The following GALNT13 variants were observed in gnomAD, a reference collection of about 807,000 sequenced individuals.
The protein encoded by GALNT13 is polypeptide N-acetylgalactosaminyltransferase 13.
GALNT13 carries 28 observed loss-of-function variants against 64.2 expected under a neutral mutation model. The observed-to-expected ratio is 0.44, with a 90% CI of 0.32 to 0.60. GALNT13 has a LOEUF of 0.60. Ranked by LOEUF, GALNT13 falls within the 20% of genes least tolerant of loss-of-function variation. GALNT13 has a pLI of 0.05. For missense variants in GALNT13, 577 were observed against 669.8 expected, an observed-to-expected ratio of 0.86 and a Z score of 1.53; for synonymous variants, 214 against 224.6, an observed-to-expected ratio of 0.95 and a Z score of 0.42.
At chr2:153,900,724 T>A (rs1486305403) in intron 1 of GALNT13, among the ~76,000 whole-genome samples, 1 of 152,166 alleles carries the variant, frequency 6.6e-6, no homozygotes, top group Non-Finnish European at 1.5e-5. Flanking sequence ...TTCAAAGTGT[T>A]CTCCTTGACT....
the GALNT13 span, among the ~76,000 whole-genome samples, chr2:153,833,137 C>T: frequency 2.6e-5 from 4 of 152,154 alleles, no homozygotes; most frequent in Non-Finnish European, 5.9e-5. Flanking sequence ...TGACTATGCT[C>T]CCTGCCACCT....
At chr2:154,342,078 C>T (rs765238960) in intron 9 of GALNT13, among the ~76,000 whole-genome samples, 4 of 151,906 alleles carry the variant, frequency 2.6e-5, no homozygotes, top group African/African-American at 9.7e-5. Context: ...TGGATGTGTT[C>T]AGTTTGAGAT....
chr2:153,529,595 CAA>C, the GALNT13 span, among the ~76,000 whole-genome samples: 1 of 151,780 alleles, frequency 6.6e-6, no homozygotes, highest in African/African-American at 2.4e-5. Flanking sequence ...CAAAACTAGA[CAA>C]AGACACATTA....
At chr2:154,392,371 A>G (rs1574223241) in intron 9 of GALNT13, among the ~76,000 whole-genome samples, 1 of 152,212 alleles carries the variant, frequency 6.6e-6, no homozygotes, top group East Asian at 1.9e-4. Flanking sequence ...GAATTGATCA[A>G]CAAGAAACAG....
chr2:153,525,710 G>T, the GALNT13 span, among the ~76,000 whole-genome samples: 3 of 152,112 alleles, frequency 2.0e-5, no homozygotes, highest in African/African-American at 7.2e-5. Flanking sequence ...TGCCAAAAAG[G>T]CTGGGGACCA....
chr2:154,288,904 G>A (rs1469929305), intron 8 of GALNT13, among the ~76,000 whole-genome samples: 5 of 152,240 alleles, frequency 3.3e-5, no homozygotes, highest in Admixed American at 2.0e-4. Flanking sequence ...TCTGGAGGAC[G>A]GTGGCCCTCT....
the GALNT13 span, among the ~76,000 whole-genome samples, chr2:153,133,057 G>A: frequency 7.0e-6 from 1 of 141,882 alleles, no homozygotes; most frequent in Non-Finnish European, 1.5e-5. Context: ...TTTTTTTTTG[G>A]TTTTTGAAAC....
At chr2:154,389,116 GT>G (rs1309534702) in intron 9 of GALNT13, among the ~76,000 whole-genome samples, 1 of 151,820 alleles carries the variant, frequency 6.6e-6, no homozygotes, top group African/African-American at 2.4e-5. Flanking sequence ...CATTCTTTTT[GT>G]TTTGTTTTGT....
chr2:153,210,077 G>C, the GALNT13 span, among the ~76,000 whole-genome samples: 1 of 152,188 alleles, frequency 6.6e-6, no homozygotes, highest in Non-Finnish European at 1.5e-5. Flanking sequence ...TAGCTTGTTT[G>C]TTGGATTCTT....
chr2:153,243,004 T>A, the GALNT13 span, among the ~76,000 whole-genome samples: 2 of 152,354 alleles, frequency 1.3e-5, no homozygotes, highest in South Asian at 4.1e-4. Flanking sequence ...TCAGTCTTGG[T>A]GTGTAATAAC....
At chr2:153,385,774 T>C in the GALNT13 span, among the ~76,000 whole-genome samples, 2 of 152,028 alleles carry the variant, frequency 1.3e-5, no homozygotes, top group African/African-American at 4.8e-5. Context: ...TTCTCCATGA[T>C]GCGATTATTA....
the GALNT13 span, among the ~76,000 whole-genome samples, chr2:153,434,299 T>C: frequency 6.6e-6 from 1 of 152,182 alleles, no homozygotes; most frequent in Admixed American, 6.5e-5. Flanking sequence ...TACATGTGCA[T>C]GTGTCTTTAT....
At chr2:154,303,273 G>A (rs1031976871) in intron 9 of GALNT13, among the ~76,000 whole-genome samples, 1 of 151,990 alleles carries the variant, frequency 6.6e-6, no homozygotes, top group Non-Finnish European at 1.5e-5. Context: ...TTATAGGCAG[G>A]CTTGAGGGGG....
At chr2:154,010,855 C>G (rs1035099403) in intron 3 of GALNT13, among the ~76,000 whole-genome samples, 1 of 151,480 alleles carries the variant, frequency 6.6e-6, no homozygotes, top group African/African-American at 2.4e-5. Context: ...TTTCTTATAT[C>G]TTTTTTAGTT....
chr2:154,144,630 A>G (rs1302593943), intron 4 of GALNT13, among the ~76,000 whole-genome samples: 1 of 152,148 alleles, frequency 6.6e-6, no homozygotes, highest in Non-Finnish European at 1.5e-5. Flanking sequence ...TATTTTGGCT[A>G]AATTCAGAAA....
the GALNT13 span, among the ~76,000 whole-genome samples, chr2:153,553,349 A>C: frequency 2.0e-5 from 3 of 148,426 alleles, no homozygotes; most frequent in Non-Finnish European, 4.4e-5. Context: ...AAAAAAAAAT[A>C]GCTGAGTGTG....
the GALNT13 span, among the ~76,000 whole-genome samples, chr2:153,645,277 C>T: frequency 6.6e-6 from 1 of 152,080 alleles, no homozygotes; most frequent in African/African-American, 2.4e-5. Flanking sequence ...ATTTAACGAC[C>T]TTTTAAATGT....
At chr2:153,090,025 C>G in the GALNT13 span, among the ~76,000 whole-genome samples, 19 of 151,932 alleles carry the variant, frequency 1.3e-4, no homozygotes, top group Non-Finnish European at 2.5e-4. Flanking sequence ...TTTCATATTA[C>G]CAGAATTACT....
the GALNT13 span, among the ~76,000 whole-genome samples, chr2:153,112,821 C>A: frequency 0.51 from 77,112 of 151,804 alleles, 20,482 homozygotes; most frequent in South Asian, 0.64. Context: ...TAAATATACT[C>A]TTCTTTGTTA....
Sources: gnomAD v4.1 joint callset for allele counts (sites outside exome capture counted in the v4.1 genomes callset) on GRCh38, gnomAD v4.1.1 for gene constraint, MANE v1.5 for transcripts, NCBI Gene and HGNC (gene_info 2026-07-23, HGNC 2026-07-21) for gene names.